Variants in NBR1 observed in about 807,000 individuals in gnomAD.
NBR1 encodes the protein NBR1 autophagy cargo receptor.
In NBR1, 59 loss-of-function variants were observed where a neutral mutation model predicts 115.5. The observed-to-expected ratio is 0.51, with a 90% CI of 0.41 to 0.63. The LOEUF (loss-of-function observed/expected upper bound fraction) is 0.63. Ranked by LOEUF, NBR1 falls within the 30% of genes least tolerant of loss-of-function variation. NBR1 has a pLI of 0.00. For missense variants in NBR1, 1,043 were observed against 1,150.5 expected, an observed-to-expected ratio of 0.91 and a Z score of 1.35; for synonymous variants, 373 against 414.7, an observed-to-expected ratio of 0.90 and a Z score of 1.22.
intron 20 of NBR1, 40 bp from the exon 21 acceptor site, chr17:43,209,860 GA>G (rs777245026): frequency 2.7e-5 from 37 of 1,363,252 alleles, no homozygotes; most frequent in Admixed American, 6.0e-5. Context: ...AAATTATACA[GA>G]ATTTTTTTTT....
chr17:43,196,610 G>A lies in NBR1; in HGVS notation c.1861+19G>A, dbSNP rs973360056. On this transcript the variant is annotated intron_variant, in intron 15 of 20. Transcript: ENST00000590996. The stretch of plus-strand genomic sequence containing the variant: ...CTTCCTGGTAAGGGATTAAACATTT[G>A]TAAAGTATTTGCATCCTCCCTTTCC... 4 of 1,523,532 alleles carry A rather than the reference G, an allele frequency of 2.6e-6. No homozygotes were observed. The highest frequency in any genetic ancestry group is 2.7e-6 in the Non-Finnish European group (3 of 1,114,706). 94.4% of individuals were successfully genotyped at this position (1,523,532 alleles called of 1,614,324 possible).
Position 43,191,436 on chromosome 17 carries a change from A to C in NBR1, c.928A>C (p.Lys310Gln). 3 of 1,613,550 alleles carry C rather than the reference A, an allele frequency of 1.9e-6. No individual in the cohort carries two copies. The highest frequency in any genetic ancestry group is 2.5e-6 in the Non-Finnish European group (3 of 1,179,702). The change falls in exon 10 of 21, where the codon AAA (lysine) becomes CAA (glutamine). Residue 310 changes from lysine (K) to glutamine (Q), a missense_variant. Coordinates refer to ENST00000590996, the MANE Select transcript of NBR1 (RefSeq NM_005899.5). ...AEKQRLRAEK[K>Q]QRKAEVKELK... ...AAAGCAAAGGTTGCGAGCTGAGAAGAAACAACGTAAAGCAGAGGTCAAGGA... is the reference window on the plus strand; with the variant it reads ...AAAGCAAAGGTTGCGAGCTGAGAAGCAACAACGTAAAGCAGAGGTCAAGGA...
chr17:43,195,167 A>T (rs2057038468), intron 14 of NBR1, 128 bp downstream of exon 14: 2 of 731,396 alleles, frequency 2.7e-6, no homozygotes, highest in Non-Finnish European at 4.7e-6. Flanking sequence ...ATAGTAAAGC[A>T]GCAATCATGG....
At chr17:43,183,185 G>A (rs1026009565) in intron 5 of NBR1, among the ~76,000 whole-genome samples, 8 of 151,212 alleles carry the variant, frequency 5.3e-5, no homozygotes, top group African/African-American at 2.0e-4. Flanking sequence ...GAGCCATCAC[G>A]CCCGGCCTCT....
intron 16 of NBR1, among the ~76,000 whole-genome samples, chr17:43,198,811 A>T (rs1304951116): frequency 6.6e-6 from 1 of 151,928 alleles, no homozygotes; most frequent in African/African-American, 2.4e-5. Context: ...AATACAAAAA[A>T]TAAGCTGGGT....
chr17:43,202,436 C>A (rs1655914785), intron 18 of NBR1, among the ~76,000 whole-genome samples: 1 of 151,450 alleles, frequency 6.6e-6, no homozygotes, highest in Non-Finnish European at 1.5e-5. Context: ...GTTGATTTTT[C>A]TGATTCAATA....
intron 5 of NBR1, among the ~76,000 whole-genome samples, chr17:43,182,419 G>A (rs948794497): frequency 6.6e-5 from 10 of 150,934 alleles, no homozygotes; most frequent in Admixed American, 2.0e-4. Context: ...ACAGGGTTTC[G>A]CCTTGTTGGC....
intron 20 of NBR1, among the ~76,000 whole-genome samples, chr17:43,205,110 C>G (rs944424838): frequency 1.3e-5 from 2 of 151,974 alleles, no homozygotes; most frequent in African/African-American, 4.8e-5. Context: ...AATCCCAGCA[C>G]TTTGGAAGGC....
At chr17:43,195,464 C>G (rs960369780) in intron 14 of NBR1, 1 of 199,266 alleles carries the variant, frequency 5.0e-6, no homozygotes, top group Non-Finnish European at 1.0e-5. Context: ...CCAGCCTGAC[C>G]AACATGGAGA....
intron 20 of NBR1, among the ~76,000 whole-genome samples, chr17:43,207,412 C>A (rs1176821189): frequency 1.3e-5 from 2 of 152,202 alleles, no homozygotes; most frequent in African/African-American, 4.8e-5. Context: ...GGCTGGAGTG[C>A]AATAACTAGA....
At chr17:43,193,823 C>T (rs367976886) in intron 12 of NBR1, among the ~76,000 whole-genome samples, 185 bp downstream of exon 12, 10 of 152,236 alleles carry the variant, frequency 6.6e-5, no homozygotes, top group African/African-American at 2.2e-4. Flanking sequence ...TTTGTTTTAG[C>T]GTCTTTAGGG....
At chr17:43,201,624 T>C in intron 17 of NBR1, 62 bp from the exon 18 acceptor site, 2 of 964,558 alleles carry the variant, frequency 2.1e-6, no homozygotes, top group Non-Finnish European at 3.4e-6. Flanking sequence ...GTGTTTACTA[T>C]TTCTCCACTG....
At chr17:43,193,318 C>T (rs991408333) in intron 11 of NBR1, 30 bp from the exon 12 acceptor site, 1 of 1,612,274 alleles carries the variant, frequency 6.2e-7, no homozygotes, top group Non-Finnish European at 8.5e-7. Flanking sequence ...AGCTGACAAG[C>T]TTGCTTTCTC....
chr17:43,205,661 G>T (rs1279432067), intron 20 of NBR1, among the ~76,000 whole-genome samples: 1 of 152,054 alleles, frequency 6.6e-6, no homozygotes, highest in Admixed American at 6.5e-5. Context: ...TCGATTATTT[G>T]CGTCCAGGAG....
chr17:43,210,239 A>G lies in NBR1; in HGVS notation c.*165A>G. On this transcript the variant is annotated 3_prime_UTR_variant, in exon 21 of 21. Coordinates refer to ENST00000590996, the MANE Select transcript of NBR1 (RefSeq NM_005899.5). ...CCTGCTACAGTATTTTGGGGAGCAA[A>G]CTAAAGACCAGAACTTAAATTTTCA... 1 of 524,198 alleles carries G rather than the reference A, an allele frequency of 1.9e-6. No homozygotes were observed. 32.5% of individuals were successfully genotyped at this position (524,198 alleles called of 1,614,324 possible). A position where few individuals can be genotyped will look rare whatever the true frequency, so the allele number is the denominator to read the frequency against.
intron 12 of NBR1, among the ~76,000 whole-genome samples, 171 bp downstream of exon 12, chr17:43,193,809 G>A (rs1254875893): frequency 6.6e-6 from 1 of 152,102 alleles, no homozygotes; most frequent in Non-Finnish European, 1.5e-5. Context: ...TCTTCCTTAG[G>A]GTGTTTGTTT....
chr17:43,181,938 C>T (rs1467817921), intron 5 of NBR1, among the ~76,000 whole-genome samples: 4 of 150,202 alleles, frequency 2.7e-5, no homozygotes, highest in South Asian at 2.1e-4. Flanking sequence ...GAGCTGAGAT[C>T]ACGCCATTGC....
rs2056359571 is a variant in NBR1, at chr17:43,171,308, G to A, written c.-10+6G>A. Reference sequence around the variant, plus strand: ...CCCCCGGGGGCGGGAAGCTGGTAAGGAAGCAGCTGCGGTTACCTAGGGGTG... The same window carrying A: ...CCCCCGGGGGCGGGAAGCTGGTAAGAAAGCAGCTGCGGTTACCTAGGGGTG... On this transcript the variant is annotated splice_donor_region_variant and intron_variant, in intron 1 of 20. Coordinates refer to ENST00000590996, the MANE Select transcript of NBR1 (RefSeq NM_005899.5). The A allele has an allele frequency of 6.5e-6, 1 of 152,734 alleles. No individual in the cohort carries two copies. Among genetic ancestry groups the A allele is most frequent in the Admixed American group, 6.5e-5 (1 of 15,290 alleles). The allele number at this position is 152,734 out of a possible 1,614,324, so 9.5% of individuals were successfully genotyped here.
intron 20 of NBR1, among the ~76,000 whole-genome samples, chr17:43,206,137 C>G (rs1290475308): frequency 6.7e-6 from 1 of 149,110 alleles, no homozygotes; most frequent in African/African-American, 2.5e-5. Context: ...GATTGCGCCA[C>G]TGCACTTCAG....
Sources: gnomAD v4.1 joint callset for allele counts (sites outside exome capture counted in the v4.1 genomes callset) on GRCh38, gnomAD v4.1.1 for gene constraint, MANE v1.5 for transcripts, NCBI Gene and HGNC (gene_info 2026-07-23, HGNC 2026-07-21) for gene names.